Variants in CTNNA1 observed in about 807,000 individuals in gnomAD.
CTNNA1 encodes the protein catenin alpha 1.
CTNNA1 carries 37 observed loss-of-function variants against 98.4 expected under a neutral mutation model. The observed-to-expected ratio is 0.38, with a 90% confidence interval of 0.29 to 0.49. CTNNA1 has a LOEUF of 0.49. Among genes scored for constraint, CTNNA1 ranks in the 20% least tolerant of loss-of-function variants. CTNNA1 has a pLI of 0.95. For synonymous variants in CTNNA1, 404 were observed against 413.2 expected, an observed-to-expected ratio of 0.98 and a Z score of 0.27; for missense variants, 761 against 1,147.2, an observed-to-expected ratio of 0.66 and a Z score of 4.86.
rs1353166922 is a variant in CTNNA1, at chr5:138,787,367, G to A, written c.301+3995G>A. 2.0e-5 allele frequency among the ~76,000 whole-genome samples: 3 copies of A among 151,990 alleles called. No individual in the cohort carries two copies. In the South Asian group the frequency reaches 6.2e-4, roughly 32 times the overall value. ...TGGGAGGCGGAGCTGGCAGTGAGCC[G>A]AGACCGTGCCACTGCACTCCAGCCT... is the stretch of plus-strand genomic sequence containing the variant. On this transcript the variant is annotated intron_variant, in intron 3 of 17. Transcript: ENST00000302763.
intron 3 of CTNNA1, among the ~76,000 whole-genome samples, chr5:138,808,942 A>G (rs1163020107): frequency 1.3e-5 from 2 of 152,182 alleles, no homozygotes; most frequent in Non-Finnish European, 2.9e-5. Flanking sequence ...AAATGACAGA[A>G]AGTATAAGTT....
At chr5:138,801,938 C>T (rs970911317) in intron 3 of CTNNA1, among the ~76,000 whole-genome samples, 3 of 152,146 alleles carry the variant, frequency 2.0e-5, no homozygotes, top group Non-Finnish European at 4.4e-5. Context: ...AACTTCTCGA[C>T]TTAAATGAGG....
intron 3 of CTNNA1, among the ~76,000 whole-genome samples, chr5:138,808,605 CT>C (rs1335415675): frequency 4.0e-5 from 6 of 151,036 alleles, no homozygotes; most frequent in Non-Finnish European, 8.8e-5. Flanking sequence ...TTTTTCCCCC[CT>C]CTTCTGCTTG....
intron 12 of CTNNA1, 120 bp downstream of exon 12, chr5:138,924,830 G>A: frequency 1.2e-6 from 1 of 858,490 alleles, no homozygotes. Context: ...TTGGTCTCAT[G>A]GCACATCGGG....
chr5:138,825,345 C>G (rs1027884153), intron 6 of CTNNA1, among the ~76,000 whole-genome samples: 3 of 152,098 alleles, frequency 2.0e-5, no homozygotes, highest in African/African-American at 7.2e-5. Context: ...TAGCATAATG[C>G]CATAATTACT....
intron 7 of CTNNA1, chr5:138,875,591 C>T (rs1476636120): frequency 1.0e-6 from 1 of 985,342 alleles, no homozygotes; most frequent in African/African-American, 1.7e-5. Context: ...GAAGACCCAT[C>T]TGAACAGTGA....
intron 7 of CTNNA1, among the ~76,000 whole-genome samples, chr5:138,847,224 G>C (rs1249903443): frequency 6.6e-6 from 1 of 152,154 alleles, no homozygotes; most frequent in African/African-American, 2.4e-5. Context: ...GGTAGTACTT[G>C]TAGTTCAACA....
At chr5:138,929,951 G>A (rs1445915395) in intron 14 of CTNNA1, among the ~76,000 whole-genome samples, 1 of 152,186 alleles carries the variant, frequency 6.6e-6, no homozygotes, top group Non-Finnish European at 1.5e-5. Context: ...AGAGGGAGGA[G>A]CTCCCCAGCC....
intron 5 of CTNNA1, among the ~76,000 whole-genome samples, chr5:138,816,852 C>T (rs1198004122): frequency 2.0e-5 from 3 of 152,120 alleles, no homozygotes; most frequent in Admixed American, 6.5e-5. Context: ...GCATGCGCCA[C>T]CATGCCCAGC....
intron 9 of CTNNA1, among the ~76,000 whole-genome samples, chr5:138,901,222 A>G (rs888375159): frequency 6.6e-6 from 1 of 151,632 alleles, no homozygotes; most frequent in Admixed American, 6.6e-5. Flanking sequence ...CAGTGGCGCC[A>G]TCTCAGCTCA....
chr5:138,912,199 A>C (rs997223555), intron 10 of CTNNA1, among the ~76,000 whole-genome samples: 1 of 152,166 alleles, frequency 6.6e-6, no homozygotes, highest in African/African-American at 2.4e-5. Flanking sequence ...CAGGAGCCTG[A>C]GGAAGCACTG....
At chr5:138,895,294 A>G (rs1360798329) in intron 9 of CTNNA1, among the ~76,000 whole-genome samples, 2 of 152,208 alleles carry the variant, frequency 1.3e-5, no homozygotes, top group Non-Finnish European at 2.9e-5. Context: ...AGAGCTCTAC[A>G]TTATGACTGA....
At position 138,916,092 on chromosome 5, in the gene CTNNA1, A is replaced by C. The variant is rs1580784815; in HGVS notation, c.1390-1650A>C. ...ACACTAAGTGAAAAAAGCAAGTTAC[A>C]AAAGTCCACATGTTACATGATTCCA... On this transcript the variant is annotated intron_variant, in intron 10 of 17. Coordinates refer to ENST00000302763, the MANE Select transcript of CTNNA1 (RefSeq NM_001903.5). 2.6e-5 allele frequency among the ~76,000 whole-genome samples: 4 copies of C among 151,710 alleles called. No individual in the cohort carries two copies. The South Asian group carries it at 8.3e-4, about 32-fold the overall frequency.
rs1199609187 is a variant in CTNNA1, at chr5:138,874,329, T to C, written c.1063-11883T>C. On this transcript the variant is annotated intron_variant, in intron 7 of 17. Transcript: ENST00000302763. The surrounding 1 kb of genome is among the most constrained non-coding windows in gnomAD (Gnocchi z 4.1). ...TGACTGAAGCTGGCAAATTGATCTC[T>C]TTCGAGCTCTGTGATGTGATTGTGC... is the stretch of plus-strand genomic sequence containing the variant. 4 of 1,613,942 alleles carry C rather than the reference T, an allele frequency of 2.5e-6. No individual in the cohort carries two copies. The highest frequency in any genetic ancestry group is 1.1e-5 in the South Asian group (1 of 91,084).
chr5:138,889,532 G>A (rs1754878705), intron 9 of CTNNA1, among the ~76,000 whole-genome samples: 1 of 152,214 alleles, frequency 6.6e-6, no homozygotes, highest in African/African-American at 2.4e-5. Context: ...GCATTGAGTG[G>A]GCGAGGAAGT....
chr5:138,757,721 C>T (rs141629216), intron 1 of CTNNA1, among the ~76,000 whole-genome samples: 73 of 151,968 alleles, frequency 4.8e-4, no homozygotes, highest in Non-Finnish European at 8.2e-4. Flanking sequence ...AAGGCAGGAA[C>T]TGAGAGTCTT....
intron 1 of CTNNA1, among the ~76,000 whole-genome samples, chr5:138,765,652 T>G (rs1427536932): frequency 6.6e-6 from 1 of 151,966 alleles, no homozygotes; most frequent in Non-Finnish European, 1.5e-5. Flanking sequence ...GTAAAATAGC[T>G]GATAGGTAAG....
rs771568285 is a variant in CTNNA1 at position 138,917,852 on chromosome 5, T to C, written c.1500T>C (p.Asp500=). 1 of 1,614,256 alleles carries C rather than the reference T, an allele frequency of 6.2e-7. No homozygotes were observed. The highest frequency in any genetic ancestry group is 8.5e-7 in the Non-Finnish European group (1 of 1,180,044). Residue 500 remains aspartate, a synonymous_variant, in exon 11 of 18, where the codon GAT becomes GAC. Coordinates refer to ENST00000302763, the MANE Select transcript of CTNNA1 (RefSeq NM_001903.5). ...AAAAACAAGTCCGTGTTCTCACAGA[T>C]GCTGTCGATGACATTACTTCCATTG... is the stretch of plus-strand genomic sequence containing the variant. ...QWEKQVRVLT[D]AVDDITSIDD... is the part of the protein sequence containing the mutation.
intron 16 of CTNNA1, 152 bp from the exon 17 acceptor site, chr5:138,932,426 G>A (rs149645409): frequency 2.1e-6 from 3 of 1,453,884 alleles, no homozygotes; most frequent in African/African-American, 2.8e-5. Flanking sequence ...GTAGGCAAGG[G>A]CTGTGACTGC....
Sources: allele counts gnomAD v4.1 joint callset (sites outside exome capture counted in the v4.1 genomes callset), GRCh38; gene constraint gnomAD v4.1.1; non-coding constraint Gnocchi (gnomAD v3.1); transcripts MANE v1.5; gene names NCBI Gene and HGNC (gene_info 2026-07-23, HGNC 2026-07-21).